The following TCF4 variants were observed in gnomAD, a reference collection of about 807,000 sequenced individuals.
TCF4 encodes SL3-3 enhancer factor 2.
Under a neutral mutation model 82.1 loss-of-function variants are expected in TCF4, and 3 were observed. The ratio of observed to expected loss-of-function variants is 0.04; its 90% CI spans 0.02 to 0.09. The LOEUF (loss-of-function observed/expected upper bound fraction) is 0.09, where lower values mean the gene tolerates loss of function less well. Among genes scored for constraint, TCF4 ranks in the 10% least tolerant of loss-of-function variants. The pLI, the probability that TCF4 is intolerant of heterozygous loss-of-function variation, is 1.00. For synonymous variants in TCF4, 276 were observed against 309.6 expected (o/e 0.89, Z 1.14); for missense variants, 518 against 852.7 (o/e 0.61, Z 4.89).
intron 18 of TCF4, among the ~76,000 whole-genome samples, chr18:55,228,633 A>G (rs2047011494): frequency 6.6e-6 from 1 of 152,226 alleles, no homozygotes; most frequent in Non-Finnish European, 1.5e-5. Context: ...GAAAGTTGCA[A>G]TATAATCTTA....
intron 6 of TCF4, among the ~76,000 whole-genome samples, chr18:55,375,711 C>G (rs952626324): frequency 6.6e-6 from 1 of 151,988 alleles, no homozygotes; most frequent in Non-Finnish European, 1.5e-5. Context: ...ATAAAAAAGA[C>G]AACTTTCCTA....
intron 8 of TCF4, among the ~76,000 whole-genome samples, chr18:55,337,930 G>T (rs981921822): frequency 6.6e-6 from 1 of 151,822 alleles, no homozygotes. Flanking sequence ...CTGGCCTCAA[G>T]AAATCAACAC....
At chr18:55,241,905 AC>A (rs1229686086) in intron 15 of TCF4, among the ~76,000 whole-genome samples, 1 of 152,212 alleles carries the variant, frequency 6.6e-6, no homozygotes, top group African/African-American at 2.4e-5. Flanking sequence ...TAAGAGGTCC[AC>A]CTTGTGCTGA....
intron 8 of TCF4, among the ~76,000 whole-genome samples, chr18:55,288,897 C>T (rs1368176920): frequency 1.3e-5 from 2 of 152,246 alleles, no homozygotes; most frequent in African/African-American, 4.8e-5. Flanking sequence ...TTAAAAACCA[C>T]CATGTTATTA....
chr18:55,381,129 GA>G (rs2091836518), intron 6 of TCF4, among the ~76,000 whole-genome samples: 1 of 152,104 alleles, frequency 6.6e-6, no homozygotes, highest in Non-Finnish European at 1.5e-5. Context: ...TCAAAGTAAA[GA>G]ATAGCACGAA....
chr18:55,500,076 G>C (rs1292851195), intron 3 of TCF4, among the ~76,000 whole-genome samples: 1 of 152,084 alleles, frequency 6.6e-6, no homozygotes, highest in Non-Finnish European at 1.5e-5. Flanking sequence ...CCAGCTACTC[G>C]GAGGCTGAGG....
intron 15 of TCF4, among the ~76,000 whole-genome samples, 167 bp from the exon 16 acceptor site, chr18:55,234,850 G>A (rs2048904545): frequency 6.6e-6 from 1 of 152,100 alleles, no homozygotes; most frequent in South Asian, 2.1e-4. Context: ...AGTTCCCGGC[G>A]AAAACACTTA....
chr18:55,338,433 G>A (rs973328242), intron 8 of TCF4, among the ~76,000 whole-genome samples: 1 of 152,158 alleles, frequency 6.6e-6, no homozygotes, highest in Admixed American at 6.5e-5. Flanking sequence ...CTTCCGGGGA[G>A]AGGATTCAGG....
At chr18:55,601,876 A>C (rs541934643) in intron 2 of TCF4, among the ~76,000 whole-genome samples, 22 of 152,332 alleles carry the variant, frequency 1.4e-4, no homozygotes, top group African/African-American at 5.3e-4. Context: ...CATGGAATAA[A>C]AAGGCTTCAA....
At chr18:55,235,863 G>A (rs1212918268) in intron 15 of TCF4, among the ~76,000 whole-genome samples, 3 of 152,016 alleles carry the variant, frequency 2.0e-5, no homozygotes, top group Non-Finnish European at 4.4e-5. Flanking sequence ...CATCACTCTT[G>A]TGTTACCAAT....
intron 6 of TCF4, among the ~76,000 whole-genome samples, chr18:55,398,723 A>G (rs1377323026): frequency 6.6e-6 from 1 of 152,222 alleles, no homozygotes; most frequent in African/African-American, 2.4e-5. Context: ...ATGGCTTCCA[A>G]AAGTGATGCT....
intron 8 of TCF4, among the ~76,000 whole-genome samples, chr18:55,299,388 G>A (rs1168179807): frequency 6.6e-6 from 1 of 151,886 alleles, no homozygotes; most frequent in Admixed American, 6.6e-5. Context: ...CTCCAACCTG[G>A]GCAACAGAGC....
intron 6 of TCF4, among the ~76,000 whole-genome samples, chr18:55,396,725 A>ACC (rs1243719117): frequency 2.0e-5 from 3 of 152,208 alleles, no homozygotes; most frequent in East Asian, 3.8e-4. Context: ...AGCCTCTCTG[A>ACC]CCATCAGCCT....
chr18:55,432,735 C>T (rs1463960052), intron 5 of TCF4, among the ~76,000 whole-genome samples: 1 of 152,226 alleles, frequency 6.6e-6, no homozygotes, highest in Non-Finnish European at 1.5e-5. Flanking sequence ...TAATATTTTG[C>T]TCAAATTTAT....
At chr18:55,332,802 A>G (rs2077846068) in intron 8 of TCF4, among the ~76,000 whole-genome samples, 1 of 152,242 alleles carries the variant, frequency 6.6e-6, no homozygotes, top group Admixed American at 6.5e-5. Context: ...TTTCCCTTTG[A>G]GGAGATATAG....
intron 6 of TCF4, among the ~76,000 whole-genome samples, chr18:55,353,029 G>A (rs2082642074): frequency 1.3e-5 from 2 of 152,112 alleles, no homozygotes; most frequent in African/African-American, 2.4e-5. Context: ...TTCTCTAGAA[G>A]TATATTAAAT....
chr18:55,368,144 G>C (rs564771589), intron 6 of TCF4, among the ~76,000 whole-genome samples: 42 of 152,338 alleles, frequency 2.8e-4, no homozygotes, highest in African/African-American at 9.9e-4. Context: ...CCAGCACTGT[G>C]GGAGGCCAAG....
intron 3 of TCF4, among the ~76,000 whole-genome samples, chr18:55,539,027 T>TGC (rs772464384): frequency 2.0e-5 from 3 of 150,984 alleles, no homozygotes; most frequent in Non-Finnish European, 4.4e-5. Context: ...CTCACACACG[T>TGC]GCGCGCACAC....
At chr18:55,585,764 AG>A (rs1246375240) in intron 2 of TCF4, 1 of 1,097,792 alleles carries the variant, frequency 9.1e-7, no homozygotes, top group Non-Finnish European at 1.1e-6. Flanking sequence ...CATCTCGTAT[AG>A]GATTTGCCTG....
Sources: gnomAD v4.1 joint callset for allele counts (sites outside exome capture counted in the v4.1 genomes callset) on GRCh38, gnomAD v4.1.1 for gene constraint, MANE v1.5 for transcripts, NCBI Gene and HGNC (gene_info 2026-07-23, HGNC 2026-07-21) for gene names.